PPFIA2: variants seen among roughly 807,000 people sequenced by gnomAD.
PPFIA2 encodes liprin-alpha-2.
PPFIA2 carries 46 observed loss-of-function variants against 175.5 expected under a neutral mutation model. The ratio of observed to expected loss-of-function variants is 0.26; its 90% CI spans 0.21 to 0.34. The LOEUF (loss-of-function observed/expected upper bound fraction) is 0.34. Among genes scored for constraint, PPFIA2 ranks in the 10% least tolerant of loss-of-function variants. The pLI is 1.00. For missense variants in PPFIA2, 1,179 were observed against 1,506.1 expected (o/e 0.78, Z 3.60); for synonymous variants, 568 against 511.4 (o/e 1.11, Z -1.49).
At chr12:81,570,714 T>C (rs2072365249) in intron 4 of PPFIA2, among the ~76,000 whole-genome samples, 1 of 148,514 alleles carries the variant, frequency 6.7e-6, no homozygotes, top group Admixed American at 6.7e-5. Flanking sequence ...AAATATAATA[T>C]TTTATAATAT....
At chr12:81,648,478 T>C (rs960643086) in intron 4 of PPFIA2, among the ~76,000 whole-genome samples, 2 of 151,932 alleles carry the variant, frequency 1.3e-5, no homozygotes, top group Non-Finnish European at 2.9e-5. Flanking sequence ...AAAACAATTT[T>C]GAGAAAATTT....
chr12:81,630,812 T>C lies in PPFIA2; in HGVS notation c.303+45979A>G, dbSNP rs183180405. On this transcript the variant is annotated intron_variant, in intron 4 of 32. Coordinates refer to ENST00000549396, the MANE Select transcript of PPFIA2 (RefSeq NM_003625.5). ...AAATTTTTTCTATATAATTGCGTAA[T>C]GCTTTCTTTAAAAAGAATTGTGCTT... Among the ~76,000 whole-genome samples the C allele has an allele frequency of 5.0e-3, 754 of 151,756 alleles. 3 individuals are homozygous for C. The highest frequency in any genetic ancestry group is 0.014 in the African/African-American group (576 of 41,456).
rs927358433 is a variant in PPFIA2 at position 81,259,656 on chromosome 12, G to A, written c.*38C>T. Reference sequence around the variant, plus strand: ...TTTAGGTAGAGTAGACTGAAAAGACGCCATCTAAAATATACAATGGATAGC... The same window carrying A: ...TTTAGGTAGAGTAGACTGAAAAGACACCATCTAAAATATACAATGGATAGC... On this transcript the variant is annotated 3_prime_UTR_variant, in exon 33 of 33. Transcript: ENST00000549396. 50 of 1,533,972 alleles carry A rather than the reference G, an allele frequency of 3.3e-5. No homozygotes were observed. The highest frequency in any genetic ancestry group is 9.5e-5 in the South Asian group (8 of 84,008).
chr12:81,551,765 C>A (rs769622074), intron 4 of PPFIA2, among the ~76,000 whole-genome samples: 2 of 151,938 alleles, frequency 1.3e-5, no homozygotes, highest in South Asian at 4.1e-4. Context: ...TATATAAAGT[C>A]TTTTCAAATA....
At chr12:81,743,832 C>A (rs1420759638) in intron 3 of PPFIA2, among the ~76,000 whole-genome samples, 1 of 152,008 alleles carries the variant, frequency 6.6e-6, no homozygotes, top group East Asian at 1.9e-4. Flanking sequence ...TTCCTAGAAA[C>A]CATAATTGAC....
At chr12:81,377,195 G>A (rs927701838) in intron 9 of PPFIA2, among the ~76,000 whole-genome samples, 5 of 152,042 alleles carry the variant, frequency 3.3e-5, no homozygotes, top group South Asian at 2.1e-4. Flanking sequence ...ATATTTATAC[G>A]TGCCATTATT....
chr12:81,453,761 T>C (rs2053084050), intron 5 of PPFIA2, among the ~76,000 whole-genome samples: 1 of 152,192 alleles, frequency 6.6e-6, no homozygotes, highest in South Asian at 2.1e-4. Flanking sequence ...TGATGACTGA[T>C]TTTCTTTCAT....
At chr12:81,355,577 C>T (rs11833247) in intron 16 of PPFIA2, among the ~76,000 whole-genome samples, 9,240 of 152,212 alleles carry the variant, frequency 0.061, 356 homozygotes, top group African/African-American at 0.11. Flanking sequence ...CATTGAAAAC[C>T]CATCGTTTAG....
intron 11 of PPFIA2, among the ~76,000 whole-genome samples, chr12:81,372,756 A>G (rs2035480559): frequency 6.6e-6 from 1 of 151,690 alleles, no homozygotes; most frequent in South Asian, 2.1e-4. Flanking sequence ...TATTTAAAAT[A>G]TGTTGTTGAC....
At chr12:81,532,126 A>T (rs2064663084) in intron 4 of PPFIA2, among the ~76,000 whole-genome samples, 1 of 151,834 alleles carries the variant, frequency 6.6e-6, no homozygotes, top group Non-Finnish European at 1.5e-5. Flanking sequence ...TTTGTTATAC[A>T]GAAAACTTTT....
intron 4 of PPFIA2, among the ~76,000 whole-genome samples, chr12:81,624,936 C>T (rs1355832814): frequency 6.6e-6 from 1 of 151,350 alleles, no homozygotes; most frequent in African/African-American, 2.4e-5. Flanking sequence ...TGTAATTCAT[C>T]CATGTAACAA....
chr12:81,258,444 G>A lies in PPFIA2; in HGVS notation c.*1250C>T, dbSNP rs921541554. 4 of 152,108 alleles carry A rather than the reference G, an allele frequency of 2.6e-5. No individual in the cohort carries two copies. Among genetic ancestry groups the A allele is most frequent in the African/African-American group, 9.7e-5 (4 of 41,440 alleles). 9.4% of individuals were successfully genotyped at this position (152,108 alleles called of 1,614,324 possible). ...GTCTTGCGCTTAATAAGATCAAGCA[G>A]CAGAAAATCAGCAGTTAGATAAATG... On this transcript the variant is annotated 3_prime_UTR_variant, in exon 33 of 33. Coordinates refer to ENST00000549396, the MANE Select transcript of PPFIA2 (RefSeq NM_003625.5).
chr12:81,679,042 C>T (rs2073114309), intron 3 of PPFIA2, among the ~76,000 whole-genome samples: 1 of 151,780 alleles, frequency 6.6e-6, no homozygotes, highest in Non-Finnish European at 1.5e-5. Context: ...AAGCATCAAA[C>T]ACATGTATAA....
At chr12:81,295,057 A>G (rs2046121712) in intron 23 of PPFIA2, 22 bp from the exon 24 acceptor site, 1 of 1,598,372 alleles carries the variant, frequency 6.3e-7, no homozygotes, top group African/African-American at 1.3e-5. Context: ...GAAAAAATAC[A>G]CTAACAAATT....
chr12:81,487,915 C>T (rs1021663664), intron 4 of PPFIA2, among the ~76,000 whole-genome samples: 7 of 151,772 alleles, frequency 4.6e-5, no homozygotes, highest in African/African-American at 1.7e-4. Flanking sequence ...GACAATGAGG[C>T]CCATAATCTG....
intron 22 of PPFIA2, among the ~76,000 whole-genome samples, chr12:81,311,456 C>G (rs950100180): frequency 1.3e-5 from 2 of 152,084 alleles, no homozygotes; most frequent in Middle Eastern, 3.4e-3. Context: ...AGAGGCGGCC[C>G]GGCGTGGTGG....
intron 28 of PPFIA2, among the ~76,000 whole-genome samples, chr12:81,268,360 G>A (rs1379000476): frequency 6.6e-6 from 1 of 151,336 alleles, no homozygotes; most frequent in Non-Finnish European, 1.5e-5. Flanking sequence ...GGATGGTCTC[G>A]ATCTCCTGAC....
intron 4 of PPFIA2, among the ~76,000 whole-genome samples, chr12:81,602,843 TAGA>T (rs1253272919): frequency 6.6e-6 from 1 of 151,844 alleles, no homozygotes; most frequent in Non-Finnish European, 1.5e-5. Context: ...AGGGTACATA[TAGA>T]AGAAGAAAAT....
chr12:81,472,101 A>C (rs1472347433), intron 4 of PPFIA2, among the ~76,000 whole-genome samples: 3 of 152,188 alleles, frequency 2.0e-5, no homozygotes, highest in African/African-American at 7.2e-5. Context: ...CCAGTCACAA[A>C]GGACCATATT....
Sources: gnomAD v4.1 joint callset for allele counts (sites outside exome capture counted in the v4.1 genomes callset) on GRCh38, gnomAD v4.1.1 for gene constraint, MANE v1.5 for transcripts, NCBI Gene and HGNC (gene_info 2026-07-23, HGNC 2026-07-21) for gene names.